MREG: variants seen among roughly 807,000 people sequenced by gnomAD.
MREG encodes the protein melanoregulin.
A neutral mutation model predicts 28.5 loss-of-function variants in MREG; 31 were observed. The observed-to-expected ratio is 1.09, with a 90% confidence interval of 0.82 to 1.47. MREG has a LOEUF of 1.47. Among genes scored for constraint, MREG ranks in the 40% most tolerant of loss-of-function variants. The pLI is 0.00. For synonymous variants in MREG, 106 were observed against 95.2 expected (o/e 1.11, Z -0.66); for missense variants, 256 against 257.4 (o/e 0.99, Z 0.04).
At chr2:215,962,728 T>C (rs1208608750) in intron 2 of MREG, among the ~76,000 whole-genome samples, 1 of 150,140 alleles carries the variant, frequency 6.7e-6, no homozygotes, top group African/African-American at 2.5e-5. Context: ...CATCCAGACC[T>C]GTGTTGTCCA....
In MREG at chr2:216,013,218, G is replaced by A; in HGVS notation, c.95+15C>T. The A allele has an allele frequency of 3.2e-6, 5 of 1,547,762 alleles. No homozygotes were observed. Among genetic ancestry groups the A allele is most frequent in the Non-Finnish European group, 4.4e-6 (5 of 1,146,074 alleles). ...CCCAGGTAAGCCCAGATCCCGGCCC[G>A]GGCGGCGCACCCACCTGACGAGGGG... On this transcript the variant is annotated intron_variant, in intron 1 of 4. Transcript: ENST00000263268.
chr2:215,980,742 G>A (rs758674232), intron 2 of MREG, among the ~76,000 whole-genome samples: 1 of 152,068 alleles, frequency 6.6e-6, no homozygotes, highest in South Asian at 2.1e-4. Flanking sequence ...AACCCAGGAG[G>A]TGGAAGTTGC....
At chr2:215,960,699 T>C (rs2105979316) in intron 2 of MREG, among the ~76,000 whole-genome samples, 1 of 152,082 alleles carries the variant, frequency 6.6e-6, no homozygotes, top group Non-Finnish European at 1.5e-5. Flanking sequence ...CCAGGCATGG[T>C]GGCGGGCACC....
intron 1 of MREG, among the ~76,000 whole-genome samples, chr2:215,997,660 G>A (rs1384191162): frequency 1.3e-5 from 2 of 152,164 alleles, no homozygotes; most frequent in African/African-American, 4.8e-5. Context: ...CATTAAGTGG[G>A]AGCTCAGGAG....
chr2:216,026,289 C>A (rs1018979978), intron 1 of MREG, among the ~76,000 whole-genome samples: 1 of 152,196 alleles, frequency 6.6e-6, no homozygotes, highest in Non-Finnish European at 1.5e-5. Context: ...ATGATGATTA[C>A]ACAACATTGT....
chr2:216,001,775 A>G (rs1694019014), intron 1 of MREG, among the ~76,000 whole-genome samples: 1 of 152,192 alleles, frequency 6.6e-6, no homozygotes, highest in Admixed American at 6.5e-5. Flanking sequence ...ACTCCTGCAC[A>G]GCCACCAGGT....
chr2:216,031,466 A>G (rs1476034947), intron 1 of MREG, among the ~76,000 whole-genome samples: 1 of 125,460 alleles, frequency 8.0e-6, no homozygotes, highest in Non-Finnish European at 1.7e-5. Flanking sequence ...AGAGAAAGAA[A>G]GAAAGAAAGA....
intron 1 of MREG, among the ~76,000 whole-genome samples, chr2:216,006,297 C>CT (rs1305637089): frequency 4.6e-5 from 7 of 152,210 alleles, no homozygotes; most frequent in African/African-American, 1.7e-4. Flanking sequence ...GGACAGCTGA[C>CT]TTCTTATAAA....
intron 2 of MREG, among the ~76,000 whole-genome samples, chr2:215,994,621 A>AG (rs577162168): frequency 0.016 from 754 of 45,896 alleles, 5 homozygotes; most frequent in East Asian, 0.039. Context: ...GAAGAAGAAG[A>AG]GAAGAAGGAG....
chr2:215,992,155 C>G lies in MREG; in HGVS notation c.255+4151G>C, dbSNP rs1215673990. On this transcript the variant is annotated intron_variant, in intron 2 of 4. Transcript: ENST00000263268. Reference sequence around the variant, plus strand: ...CAATGTGAAAATCCTCAATAAAATACTGGCAAACTGAATCCAGCAGCACAT... The same window carrying G: ...CAATGTGAAAATCCTCAATAAAATAGTGGCAAACTGAATCCAGCAGCACAT... 2.0e-5 allele frequency among the ~76,000 whole-genome samples: 3 copies of G among 152,182 alleles called. No individual in the cohort carries two copies. In the East Asian group the frequency reaches 5.8e-4, roughly 29 times the overall value.
chr2:215,954,710 T>TA (rs113046483), intron 2 of MREG, among the ~76,000 whole-genome samples: 8 of 152,146 alleles, frequency 5.3e-5, no homozygotes, highest in African/African-American at 1.4e-4. Context: ...TATTTTATTT[T>TA]TTTTTTTTTA....
chr2:216,022,345 T>C (rs1694534905), intron 1 of MREG, among the ~76,000 whole-genome samples: 1 of 152,180 alleles, frequency 6.6e-6, no homozygotes, highest in Non-Finnish European at 1.5e-5. Context: ...TATTCATCTA[T>C]GCCTCGAGTC....
chr2:216,033,437 G>A (rs1011793772), upstream of MREG, among the ~76,000 whole-genome samples: 1 of 152,078 alleles, frequency 6.6e-6, no homozygotes, highest in Non-Finnish European at 1.5e-5. Flanking sequence ...GGACTCCAGT[G>A]CACTCTAAAA....
At chr2:215,975,811 C>T (rs993206479) in intron 2 of MREG, among the ~76,000 whole-genome samples, 11 of 152,148 alleles carry the variant, frequency 7.2e-5, no homozygotes, top group Admixed American at 3.3e-4. Flanking sequence ...TAGGGCCGGG[C>T]GCCGTGGCTC....
intron 1 of MREG, among the ~76,000 whole-genome samples, chr2:215,997,049 G>A (rs1354872985): frequency 6.6e-6 from 1 of 152,166 alleles, no homozygotes; most frequent in African/African-American, 2.4e-5. Flanking sequence ...CCGAAGTGCT[G>A]GGATTATAGG....
chr2:216,009,756 G>A (rs549649930), intron 1 of MREG, among the ~76,000 whole-genome samples: 44 of 152,060 alleles, frequency 2.9e-4, no homozygotes, highest in African/African-American at 1.0e-3. Context: ...GCCTGGTCTC[G>A]AACTCCTGAC....
chr2:215,978,121 T>G (rs537941583), intron 2 of MREG, among the ~76,000 whole-genome samples: 1 of 151,852 alleles, frequency 6.6e-6, no homozygotes, highest in Non-Finnish European at 1.5e-5. Flanking sequence ...ATCAACAAAA[T>G]TGATAGACCA....
At chr2:216,031,699 A>AAG (rs1361608055) in intron 1 of MREG, among the ~76,000 whole-genome samples, 1 of 127,490 alleles carries the variant, frequency 7.8e-6, no homozygotes, top group African/African-American at 2.8e-5. Flanking sequence ...AAGAGAAAGA[A>AAG]AGAAAGAAAG....
At chr2:215,957,152 C>T (rs1175874623) in intron 2 of MREG, among the ~76,000 whole-genome samples, 1 of 152,134 alleles carries the variant, frequency 6.6e-6, no homozygotes, top group Non-Finnish European at 1.5e-5. Context: ...AAAAGCAACC[C>T]ATTCAAGAAA....
Sources: gnomAD v4.1 joint callset for allele counts (sites outside exome capture counted in the v4.1 genomes callset) on GRCh38, gnomAD v4.1.1 for gene constraint, MANE v1.5 for transcripts, NCBI Gene and HGNC (gene_info 2026-07-23, HGNC 2026-07-21) for gene names.